FBN1: variants seen among roughly 807,000 people sequenced by gnomAD.
FBN1 encodes fibrillin 1.
Under a neutral mutation model 365.1 loss-of-function variants are expected in FBN1, and 29 were observed. The observed-to-expected ratio is 0.08, with a 90% confidence interval of 0.06 to 0.11. The LOEUF is 0.11. Ranked by LOEUF, FBN1 falls within the 10% of genes least tolerant of loss-of-function variation. The pLI is 1.00. For synonymous variants in FBN1, 1,210 were observed against 1,270.5 expected, an observed-to-expected ratio of 0.95 and a Z score of 1.01; for missense variants, 2,476 against 3,703.2, an observed-to-expected ratio of 0.67 and a Z score of 8.60.
At chr15:48,616,390 T>C (rs1273939564) in intron 2 of FBN1, among the ~76,000 whole-genome samples, 1 of 152,258 alleles carries the variant, frequency 6.6e-6, no homozygotes, top group African/African-American at 2.4e-5. Flanking sequence ...ATTTCTCCTC[T>C]GCTGCTTTTG....
rs778659143 is a variant in FBN1, at chr15:48,434,587, G to C, written c.6616+7C>G. 19 of 1,613,436 alleles carry C rather than the reference G, an allele frequency of 1.2e-5. No homozygotes were observed. The highest frequency in any genetic ancestry group is 1.6e-5 in the Non-Finnish European group (19 of 1,179,632). On this transcript the variant is annotated splice_region_variant and intron_variant, in intron 54 of 65. Coordinates refer to ENST00000316623, the MANE Select transcript of FBN1 (RefSeq NM_000138.5). ...GTAATCAACTGTTCTCTGTTTAAGA[G>C]ATGTACCTTCACATGTCATCATTGG...
In FBN1 at chr15:48,613,053, G is replaced by A; in HGVS notation, c.204C>T (p.Cys68=). ...CGCCAGGTAAGGTTTTCCATCCAGG[G>A]CAACAGTAAGCATTATAACGTGATC... The part of the protein sequence containing the change: ...VCGSRYNAYC[C]PGWKTLPGGN... Residue 68 remains cysteine, a synonymous_variant, in exon 3 of 66, where the codon TGC becomes TGT. Transcript: ENST00000316623. 6.2e-7 allele frequency: 1 copy of A among 1,613,510 alleles called. No homozygotes were observed. The highest frequency in any genetic ancestry group is 8.5e-7 in the Non-Finnish European group (1 of 1,179,870).
In FBN1 at chr15:48,477,847, C is replaced by A. The variant is rs73392171; in HGVS notation, c.3965-3197G>T. On this transcript the variant is annotated intron_variant, in intron 32 of 65. Coordinates refer to ENST00000316623, the MANE Select transcript of FBN1 (RefSeq NM_000138.5). ...TGACACCGCAACCTTCTTAACCCCACCAAACCTTTGTCACAAAGACTCAAA... is the reference window on the plus strand; with the variant it reads ...TGACACCGCAACCTTCTTAACCCCAACAAACCTTTGTCACAAAGACTCAAA... 5.7e-3 allele frequency among the ~76,000 whole-genome samples: 871 copies of A among 152,324 alleles called. 13 individuals carry two copies. Among genetic ancestry groups the A allele is most frequent in the African/African-American group, 0.02 (846 of 41,578 alleles).
At chr15:48,450,575 G>T (rs1011605555) in intron 45 of FBN1, among the ~76,000 whole-genome samples, 1 of 152,184 alleles carries the variant, frequency 6.6e-6, no homozygotes, top group Non-Finnish European at 1.5e-5. Context: ...AAACCACAAG[G>T]AAGTAGCTGG....
intron 5 of FBN1, among the ~76,000 whole-genome samples, chr15:48,596,827 C>T (rs1643617922): frequency 6.6e-6 from 1 of 152,212 alleles, no homozygotes; most frequent in South Asian, 2.1e-4. Flanking sequence ...CAACAAAATA[C>T]TACTAATGAT....
intron 40 of FBN1, among the ~76,000 whole-genome samples, chr15:48,464,772 A>G (rs1477067419): frequency 6.6e-6 from 1 of 152,176 alleles, no homozygotes; most frequent in Non-Finnish European, 1.5e-5. Flanking sequence ...ATGAATCTGC[A>G]TTGGTAAGGC....
At chr15:48,523,489 C>A (rs549654666) in intron 9 of FBN1, among the ~76,000 whole-genome samples, 1 of 152,148 alleles carries the variant, frequency 6.6e-6, no homozygotes, top group African/African-American at 2.4e-5. Context: ...ATGGCACCTG[C>A]ACATATAATA....
chr15:48,577,951 C>G (rs1424882189), intron 6 of FBN1, among the ~76,000 whole-genome samples: 1 of 152,028 alleles, frequency 6.6e-6, no homozygotes, highest in Admixed American at 6.6e-5. Context: ...TGCAGCCTAA[C>G]AATTCAAAAA....
intron 49 of FBN1, among the ~76,000 whole-genome samples, chr15:48,442,230 T>C (rs370750250): frequency 1.3e-5 from 2 of 152,150 alleles, no homozygotes; most frequent in East Asian, 3.9e-4. Flanking sequence ...GCTGAGACTT[T>C]AAGCACATTG....
chr15:48,604,352 A>G (rs1200331143), intron 4 of FBN1, among the ~76,000 whole-genome samples: 4 of 152,204 alleles, frequency 2.6e-5, no homozygotes. Flanking sequence ...AGACAGACAA[A>G]TTAAACAGCT....
At chr15:48,471,677 G>GT (rs2043377885) in intron 35 of FBN1, among the ~76,000 whole-genome samples, 2 of 152,310 alleles carry the variant, frequency 1.3e-5, no homozygotes, top group South Asian at 4.1e-4. Flanking sequence ...ACATGTCATA[G>GT]CTAATGACTG....
chr15:48,437,515 G>T, intron 51 of FBN1, 128 bp from the exon 52 acceptor site: 1 of 900,276 alleles, frequency 1.1e-6, no homozygotes, highest in Non-Finnish European at 1.8e-6. Context: ...AACAAGCCCA[G>T]AAACCAGAGG....
chr15:48,630,363 C>G (rs1212432205), intron 2 of FBN1, among the ~76,000 whole-genome samples: 1 of 152,098 alleles, frequency 6.6e-6, no homozygotes, highest in Non-Finnish European at 1.5e-5. Flanking sequence ...GCAAAGAATC[C>G]TGGTATGTCT....
rs2044669685 is a variant in FBN1, at chr15:48,613,088, T to G, written c.169A>C (p.Asn57His). The change falls in exon 3 of 66, where the codon AAT (asparagine) becomes CAT (histidine). Residue 57 changes from asparagine (N) to histidine (H), a missense_variant. Physicochemically the swap from Asn to His is moderately conservative, Grantham distance 68. Coordinates refer to ENST00000316623, the MANE Select transcript of FBN1 (RefSeq NM_000138.5). ...GGGHDALKGP[N>H]VCGSRYNAYC... is the part of the protein sequence containing the mutation. ...GCATTATAACGTGATCCACAGACATTGGGTCTAAAACAAAAACAGAAGAAT... is the reference window on the plus strand; with the variant it reads ...GCATTATAACGTGATCCACAGACATGGGGTCTAAAACAAAAACAGAAGAAT... 1.9e-6 allele frequency: 3 copies of G among 1,611,938 alleles called. No homozygotes were observed. Among genetic ancestry groups the G allele is most frequent in the Admixed American group, 1.7e-5 (1 of 59,992 alleles).
intron 6 of FBN1, among the ~76,000 whole-genome samples, chr15:48,578,405 G>A (rs965203775): frequency 1.2e-4 from 19 of 152,150 alleles, no homozygotes; most frequent in African/African-American, 4.6e-4. Context: ...TCTGTGGTTT[G>A]ACGTATCCTT....
At position 48,516,189 on chromosome 15, in the gene FBN1, G is replaced by T. The variant is rs900969558; in HGVS notation, c.1321C>A (p.Pro441Thr). ...PVEYLYPSREPPRVLPVNVTD... is the reference protein window; with the variant it reads ...PVEYLYPSRETPRVLPVNVTD... ...ATGATTTTTGAATTCTTACTTGGTG[G>T]CTCCCGAGATGGATACAGATATTCC... The change falls in exon 11 of 66, where the codon CCA (proline) becomes ACA (threonine). Residue 441 changes from proline to threonine, a missense_variant. Physicochemically the swap from Pro to Thr is conservative, Grantham distance 38 (BLOSUM62 -1). This residue lies in a region of FBN1 where 421 missense variants were observed against 520.1 expected (regional missense o/e 0.81). Transcript: ENST00000316623. 1.2e-6 allele frequency: 2 copies of T among 1,613,584 alleles called. No individual in the cohort carries two copies. Among genetic ancestry groups the T allele is most frequent in the Non-Finnish European group, 1.7e-6 (2 of 1,179,690 alleles).
At chr15:48,429,400 A>T (rs2043008399) in intron 56 of FBN1, among the ~76,000 whole-genome samples, 1 of 152,214 alleles carries the variant, frequency 6.6e-6, no homozygotes, top group South Asian at 2.1e-4. Context: ...GGTTTAAAAA[A>T]ACATTAAAAT....
At chr15:48,568,141 CAAA>C (rs36008742) in intron 6 of FBN1, among the ~76,000 whole-genome samples, 2 of 78,998 alleles carry the variant, frequency 2.5e-5, no homozygotes, top group African/African-American at 4.8e-5. Flanking sequence ...AGGAATCTAC[CAAA>C]AAAAAAAAAA....
intron 2 of FBN1, among the ~76,000 whole-genome samples, chr15:48,615,187 G>A (rs947173385): frequency 2.0e-5 from 3 of 152,134 alleles, no homozygotes; most frequent in Non-Finnish European, 2.9e-5. Context: ...GAACAGCTCC[G>A]CTGGAGATAG....
Sources: gnomAD v4.1 joint callset for allele counts (sites outside exome capture counted in the v4.1 genomes callset) on GRCh38, gnomAD v4.1.1 for gene constraint, gnomAD v4.1.1 regional missense constraint, MANE v1.5 for transcripts, NCBI Gene and HGNC (gene_info 2026-07-23, HGNC 2026-07-21) for gene names.